Variants in TBC1D22A observed in about 807,000 individuals in gnomAD.
TBC1D22A encodes the protein putative GTPase activator.
TBC1D22A carries 38 observed loss-of-function variants against 60.2 expected under a neutral mutation model. That is an observed-to-expected ratio of 0.63 (90% CI 0.49 to 0.83). TBC1D22A has a LOEUF of 0.83. Among genes scored for constraint, TBC1D22A ranks in the 40% least tolerant of loss-of-function variants. TBC1D22A has a pLI of 0.00. For synonymous variants in TBC1D22A, 302 were observed against 281.7 expected (o/e 1.07, Z -0.72); for missense variants, 628 against 701.0 (o/e 0.90, Z 1.18).
chr22:47,152,340 T>C (rs145831254), intron 12 of TBC1D22A, among the ~76,000 whole-genome samples: 99 of 152,096 alleles, frequency 6.5e-4, no homozygotes, highest in African/African-American at 2.1e-3. Flanking sequence ...TCCTACGGGG[T>C]TCCCCCCCTG....
chr22:46,965,965 C>T (rs997257945), intron 8 of TBC1D22A, among the ~76,000 whole-genome samples: 1 of 152,172 alleles, frequency 6.6e-6, no homozygotes, highest in Non-Finnish European at 1.5e-5. Context: ...TGCCCAGGTG[C>T]GGTGGGCTGG....
In TBC1D22A at chr22:46,979,094, T is replaced by C. The variant is rs554902721; in HGVS notation, c.1125+4695T>C. 5.9e-5 allele frequency among the ~76,000 whole-genome samples: 9 copies of C among 152,334 alleles called. No individual in the cohort carries two copies. In the East Asian group the frequency reaches 9.6e-4, roughly 16 times the overall value. ...CCTATCTTGCACTTTGATAGGATCT[T>C]TTACCCATATATTGGCTCTGTAACA... On this transcript the variant is annotated intron_variant, in intron 9 of 12. Transcript: ENST00000337137.
At chr22:47,055,958 A>T (rs985560289) in intron 11 of TBC1D22A, among the ~76,000 whole-genome samples, 1 of 128,106 alleles carries the variant, frequency 7.8e-6, no homozygotes, top group Non-Finnish European at 1.7e-5. Flanking sequence ...ATTTGGCTCC[A>T]TGGGAAGGAA....
intron 12 of TBC1D22A, among the ~76,000 whole-genome samples, chr22:47,159,117 T>C (rs895803666): frequency 8.4e-5 from 12 of 142,350 alleles, no homozygotes; most frequent in Admixed American, 6.3e-4. Context: ...TCACCATATA[T>C]ACACACACAC....
At chr22:46,781,083 C>T (rs2146796968) in intron 1 of TBC1D22A, among the ~76,000 whole-genome samples, 1 of 152,038 alleles carries the variant, frequency 6.6e-6, no homozygotes, top group South Asian at 2.1e-4. Context: ...GTGTCTCCAG[C>T]CTGTTCTTAT....
intron 11 of TBC1D22A, among the ~76,000 whole-genome samples, chr22:47,096,862 T>G (rs1432230104): frequency 6.6e-6 from 1 of 152,226 alleles, no homozygotes; most frequent in Non-Finnish European, 1.5e-5. Flanking sequence ...GTATATCCTT[T>G]GTGTCCTGAA....
intron 7 of TBC1D22A, among the ~76,000 whole-genome samples, chr22:46,906,449 T>C (rs1191461309): frequency 6.6e-6 from 1 of 152,152 alleles, no homozygotes; most frequent in South Asian, 2.1e-4. Flanking sequence ...GTGGGAATGG[T>C]GGGCCTGAAC....
At chr22:47,099,499 G>T (rs1205248974) in intron 11 of TBC1D22A, among the ~76,000 whole-genome samples, 8 of 150,896 alleles carry the variant, frequency 5.3e-5, no homozygotes, top group Non-Finnish European at 8.9e-5. Context: ...AGGCTGGAGT[G>T]CAATGGCGCG....
At chr22:46,793,466 A>G (rs923770955) in intron 2 of TBC1D22A, 35 bp from the exon 3 acceptor site, 4 of 1,608,552 alleles carry the variant, frequency 2.5e-6, no homozygotes, top group Non-Finnish European at 8.5e-7. Context: ...GAAGCCTTCG[A>G]GCATGTACGA....
chr22:46,833,034 G>A (rs1034737256), intron 4 of TBC1D22A, among the ~76,000 whole-genome samples: 5 of 152,246 alleles, frequency 3.3e-5, no homozygotes, highest in East Asian at 1.9e-4. Flanking sequence ...GGCCCTGTCC[G>A]CCTGGGCAGC....
intron 12 of TBC1D22A, among the ~76,000 whole-genome samples, chr22:47,166,687 T>C (rs1191819477): frequency 6.6e-6 from 1 of 152,242 alleles, no homozygotes; most frequent in African/African-American, 2.4e-5. Context: ...CCTGCAGGGC[T>C]GTGGGCTGAG....
chr22:47,162,179 G>A (rs1330295383), intron 12 of TBC1D22A, among the ~76,000 whole-genome samples: 1 of 150,948 alleles, frequency 6.6e-6, no homozygotes, highest in Non-Finnish European at 1.5e-5. Context: ...GAGAGCTACC[G>A]GGTGTTAGTT....
chr22:47,108,937 C>A (rs181812195), intron 11 of TBC1D22A, among the ~76,000 whole-genome samples: 2 of 152,182 alleles, frequency 1.3e-5, no homozygotes, highest in Non-Finnish European at 2.9e-5. Flanking sequence ...CCTTGTGATC[C>A]GCCCGCTTCG....
chr22:46,880,790 G>A (rs2067811910), intron 5 of TBC1D22A, among the ~76,000 whole-genome samples: 1 of 152,134 alleles, frequency 6.6e-6, no homozygotes, highest in African/African-American at 2.4e-5. Flanking sequence ...GGAGGGGAGG[G>A]TGTGGAGACT....
At chr22:46,860,664 T>G (rs1419263265) in intron 4 of TBC1D22A, among the ~76,000 whole-genome samples, 1 of 152,182 alleles carries the variant, frequency 6.6e-6, no homozygotes, top group Non-Finnish European at 1.5e-5. Flanking sequence ...TCCTTTTCGA[T>G]AGAGGTCTGT....
At chr22:47,151,377 C>G (rs1287336080) in intron 12 of TBC1D22A, among the ~76,000 whole-genome samples, 5 of 152,198 alleles carry the variant, frequency 3.3e-5, no homozygotes, top group Non-Finnish European at 7.4e-5. Flanking sequence ...TCCCAGGCAG[C>G]AGAAAAATCA....
chr22:46,961,735 G>C (rs147440549), intron 8 of TBC1D22A, among the ~76,000 whole-genome samples: 1 of 152,324 alleles, frequency 6.6e-6, no homozygotes, highest in East Asian at 1.9e-4. Context: ...ACGGGGGCAC[G>C]GATGGCTCTG....
intron 10 of TBC1D22A, among the ~76,000 whole-genome samples, chr22:47,001,692 G>A (rs1051721215): frequency 6.6e-6 from 1 of 152,068 alleles, no homozygotes; most frequent in Non-Finnish European, 1.5e-5. Context: ...TAAATCTGGA[G>A]TTTTAACCCA....
chr22:47,162,492 G>A (rs2068027002), intron 12 of TBC1D22A, among the ~76,000 whole-genome samples: 1 of 152,174 alleles, frequency 6.6e-6, no homozygotes, highest in Non-Finnish European at 1.5e-5. Flanking sequence ...TGTAGCCATT[G>A]GCCTCGGCAG....
Sources: gnomAD v4.1 joint callset for allele counts (sites outside exome capture counted in the v4.1 genomes callset) on GRCh38, gnomAD v4.1.1 for gene constraint, MANE v1.5 for transcripts, NCBI Gene and HGNC (gene_info 2026-07-23, HGNC 2026-07-21) for gene names.